The following NELL1 variants were observed in gnomAD, a reference collection of about 807,000 sequenced individuals.
The protein encoded by NELL1 is neural EGFL like 1.
In NELL1, 76 loss-of-function variants were observed where a neutral mutation model predicts 107.4. The observed-to-expected ratio is 0.71, with a 90% CI of 0.59 to 0.86. The LOEUF is 0.86. NELL1 is among the 40% of genes least tolerant of loss of function. NELL1 has a pLI of 0.00. For missense variants in NELL1, 1,024 were observed against 1,005.5 expected (o/e 1.02, Z -0.25); for synonymous variants, 353 against 341.2 (o/e 1.03, Z -0.38).
intron 4 of NELL1, among the ~76,000 whole-genome samples, chr11:20,882,073 G>T (rs1326657579): frequency 1.3e-5 from 2 of 152,164 alleles, no homozygotes; most frequent in Admixed American, 6.5e-5. Flanking sequence ...TGCCCTACCT[G>T]CCTTTTTACA....
chr11:20,671,857 G>A (rs1853920605), intron 1 of NELL1, among the ~76,000 whole-genome samples: 1 of 152,148 alleles, frequency 6.6e-6, no homozygotes, highest in Admixed American at 6.5e-5. Flanking sequence ...CTAGGGAGGA[G>A]TGGTGGTCAG....
chr11:21,134,919 T>A (rs1855710423), intron 13 of NELL1, among the ~76,000 whole-genome samples: 1 of 152,254 alleles, frequency 6.6e-6, no homozygotes, highest in Admixed American at 6.5e-5. Context: ...ATTTGTATAA[T>A]GTGCATAATA....
At chr11:21,353,884 A>C (rs1186421770) in intron 14 of NELL1, among the ~76,000 whole-genome samples, 1 of 152,202 alleles carries the variant, frequency 6.6e-6, no homozygotes, top group East Asian at 1.9e-4. Flanking sequence ...AACCCCATAA[A>C]TTAGGGTTTC....
At position 21,538,536 on chromosome 11, in the gene NELL1, T is replaced by C. The variant is rs139447566; in HGVS notation, c.1786+4022T>C. Among the ~76,000 whole-genome samples the C allele has an allele frequency of 2.2e-3, 341 of 152,214 alleles. 1 individual carries two copies. The highest frequency in any genetic ancestry group is 7.8e-3 in the African/African-American group (325 of 41,554). Reference sequence around the variant, plus strand: ...TCTTTGTCTGTCTCTCTTTAACTTGTATATCTTTATAATGCCAGGAGAAAA... The same window carrying C: ...TCTTTGTCTGTCTCTCTTTAACTTGCATATCTTTATAATGCCAGGAGAAAA... On this transcript the variant is annotated intron_variant, in intron 16 of 19. Coordinates refer to ENST00000357134, the MANE Select transcript of NELL1 (RefSeq NM_006157.5).
chr11:20,865,204 A>T (rs1389057920), intron 4 of NELL1, among the ~76,000 whole-genome samples: 2 of 152,350 alleles, frequency 1.3e-5, no homozygotes, highest in South Asian at 4.1e-4. Context: ...GAAGACGAAT[A>T]CAACTTTTGC....
chr11:21,298,728 G>A (rs569905155), intron 14 of NELL1, among the ~76,000 whole-genome samples: 2 of 151,966 alleles, frequency 1.3e-5, no homozygotes, highest in South Asian at 2.1e-4. Flanking sequence ...TGGACCATTC[G>A]GTGCCATCAG....
chr11:20,960,188 A>G (rs1371036090), intron 11 of NELL1, among the ~76,000 whole-genome samples: 1 of 152,164 alleles, frequency 6.6e-6, no homozygotes, highest in Non-Finnish European at 1.5e-5. Context: ...AGCATGGATA[A>G]AAGCATTCAG....
At chr11:20,997,005 T>C (rs1852104686) in intron 12 of NELL1, among the ~76,000 whole-genome samples, 1 of 152,138 alleles carries the variant, frequency 6.6e-6, no homozygotes, top group African/African-American at 2.4e-5. Flanking sequence ...CATGAGCATA[T>C]CGTCCATTTT....
chr11:21,113,629 C>A lies in NELL1; in HGVS notation c.1341C>A (p.Ala447=). The A allele has an allele frequency of 6.2e-7, 1 of 1,612,060 alleles. No individual in the cohort carries two copies. The highest frequency in any genetic ancestry group is 8.5e-7 in the Non-Finnish European group (1 of 1,178,642). The change falls in exon 13 of 20, where the codon GCC becomes GCA. Residue 447 remains alanine, a synonymous_variant. Coordinates refer to ENST00000357134, the MANE Select transcript of NELL1 (RefSeq NM_006157.5). ...CAGCTAAGATGCATTACTGTCATGC[C>A]AATACTGTGTGTGTCAACCTTCCTG... ...ECAAKMHYCH[A]NTVCVNLPGL... is the part of the protein sequence containing the mutation.
At chr11:20,984,765 T>A (rs10741862) in intron 12 of NELL1, among the ~76,000 whole-genome samples, 1 of 151,814 alleles carries the variant, frequency 6.6e-6, no homozygotes, top group African/African-American at 2.4e-5. Flanking sequence ...CCAACATTTA[T>A]GATGATGGGT....
chr11:21,186,599 T>C (rs897698627), intron 13 of NELL1, among the ~76,000 whole-genome samples: 4 of 151,884 alleles, frequency 2.6e-5, no homozygotes, highest in African/African-American at 4.9e-5. Context: ...TGCACAGTTT[T>C]GTGTCTTGAC....
intron 14 of NELL1, among the ~76,000 whole-genome samples, chr11:21,299,988 G>A (rs556259224): frequency 3.8e-4 from 58 of 152,012 alleles, no homozygotes; most frequent in African/African-American, 9.6e-4. Flanking sequence ...CAGAAACCCC[G>A]ACCTCTTGTG....
At chr11:20,845,503 T>C (rs889503176) in intron 3 of NELL1, among the ~76,000 whole-genome samples, 1 of 152,024 alleles carries the variant, frequency 6.6e-6, no homozygotes, top group African/African-American at 2.4e-5. Context: ...AATTGCTTAT[T>C]GGTCAAAGTA....
chr11:21,129,836 G>A (rs1855574796), intron 13 of NELL1, among the ~76,000 whole-genome samples: 1 of 152,152 alleles, frequency 6.6e-6, no homozygotes, highest in African/African-American at 2.4e-5. Context: ...GATGGATGGT[G>A]GTGATGGCTG....
At chr11:21,237,625 G>T (rs1312002712) in intron 14 of NELL1, among the ~76,000 whole-genome samples, 1 of 152,072 alleles carries the variant, frequency 6.6e-6, no homozygotes, top group East Asian at 1.9e-4. Flanking sequence ...TGATGGGCCA[G>T]GCACTATGCT....
chr11:21,524,935 T>G (rs963089139), intron 15 of NELL1, among the ~76,000 whole-genome samples: 2 of 152,110 alleles, frequency 1.3e-5, no homozygotes, highest in African/African-American at 4.8e-5. Context: ...TAGAAACACA[T>G]GTGTCATGTA....
intron 12 of NELL1, among the ~76,000 whole-genome samples, chr11:21,035,690 A>C (rs2134323605): frequency 6.6e-6 from 1 of 152,228 alleles, no homozygotes; most frequent in Middle Eastern, 3.4e-3. Context: ...AACACCCCTC[A>C]TGTTAAAAAG....
At chr11:20,717,183 C>T (rs1486618147) in intron 2 of NELL1, among the ~76,000 whole-genome samples, 1 of 152,194 alleles carries the variant, frequency 6.6e-6, no homozygotes, top group African/African-American at 2.4e-5. Flanking sequence ...TCCAACAACT[C>T]ATTAGTCCAA....
At chr11:21,534,089 C>T (rs118043036) in intron 15 of NELL1, among the ~76,000 whole-genome samples, 1,848 of 152,132 alleles carry the variant, frequency 0.012, 41 homozygotes, top group East Asian at 0.078. Flanking sequence ...TGCCAAACAC[C>T]CTCAACCTAG....
Sources: allele counts gnomAD v4.1 joint callset (sites outside exome capture counted in the v4.1 genomes callset), GRCh38; gene constraint gnomAD v4.1.1; transcripts MANE v1.5; gene names NCBI Gene and HGNC (gene_info 2026-07-23, HGNC 2026-07-21).